PRKG1: variants seen among roughly 807,000 people sequenced by gnomAD.
PRKG1 encodes the protein protein kinase cGMP-dependent 1, also known as cGMP-dependent protein kinase 1.
PRKG1 carries 35 observed loss-of-function variants against 88.1 expected under a neutral mutation model. The observed-to-expected ratio is 0.40, with a 90% CI of 0.30 to 0.53. The LOEUF is 0.53. Among genes scored for constraint, PRKG1 ranks in the 20% least tolerant of loss-of-function variants. The probability of loss-of-function intolerance (pLI) is 0.59; values close to 1 mark genes in which losing one functional copy is unlikely to be tolerated. For synonymous variants in PRKG1, 303 were observed against 292.5 expected, an observed-to-expected ratio of 1.04 and a Z score of -0.37; for missense variants, 540 against 839.8, an observed-to-expected ratio of 0.64 and a Z score of 4.41.
rs567269181 is a variant in PRKG1 at position 51,485,299 on chromosome 10, G to A, written c.592+17463G>A. ...ATTCCTTTGGAGTTCCAATTATTGG[G>A]AAGAAACTACTTGGAATTCTTCACA... On this transcript the variant is annotated intron_variant, in intron 3 of 17. Transcript: ENST00000373980. 1.1e-4 allele frequency among the ~76,000 whole-genome samples: 17 copies of A among 152,230 alleles called. No individual in the cohort carries two copies. The South Asian group carries it at 3.3e-3, about 30-fold the overall frequency.
At chr10:51,882,759 A>G (rs1276825134) in intron 4 of PRKG1, among the ~76,000 whole-genome samples, 2 of 152,184 alleles carry the variant, frequency 1.3e-5, no homozygotes, top group African/African-American at 4.8e-5. Flanking sequence ...TTTCTCTCAG[A>G]AGAGTCATCA....
chr10:51,881,816 G>A (rs566398084), intron 4 of PRKG1, among the ~76,000 whole-genome samples: 1 of 152,126 alleles, frequency 6.6e-6, no homozygotes, highest in East Asian at 1.9e-4. Context: ...CTTATTTATT[G>A]TAGTCTTCAC....
At chr10:51,654,219 G>A (rs1564591777) in intron 3 of PRKG1, among the ~76,000 whole-genome samples, 1 of 152,136 alleles carries the variant, frequency 6.6e-6, no homozygotes. Context: ...TGTAAGACAA[G>A]GATCCAATTT....
intron 1 of PRKG1, among the ~76,000 whole-genome samples, chr10:51,140,392 TG>T (rs776492826): frequency 1.3e-5 from 2 of 152,328 alleles, no homozygotes; most frequent in East Asian, 3.9e-4. Context: ...AAAAAATGCT[TG>T]TTGAATGAAT....
intron 2 of PRKG1, among the ~76,000 whole-genome samples, chr10:51,194,070 T>G (rs1837698638): frequency 6.6e-6 from 1 of 152,276 alleles, no homozygotes; most frequent in South Asian, 2.1e-4. Context: ...TTTCAAATTG[T>G]TTTTCATATC....
chr10:51,646,238 C>T (rs10823327), intron 3 of PRKG1, among the ~76,000 whole-genome samples: 72,736 of 151,944 alleles, frequency 0.48, 18,947 homozygotes, highest in East Asian at 0.72. Context: ...GAGCAAGCTA[C>T]CTAATTATTT....
intron 2 of PRKG1, among the ~76,000 whole-genome samples, chr10:51,346,814 GA>G (rs1842123790): frequency 6.6e-6 from 1 of 152,108 alleles, no homozygotes; most frequent in Non-Finnish European, 1.5e-5. Flanking sequence ...AAGTATTATA[GA>G]ATACTACCTC....
chr10:51,058,320 C>T (rs1356200059), intron 1 of PRKG1, among the ~76,000 whole-genome samples: 2 of 151,932 alleles, frequency 1.3e-5, no homozygotes, highest in Non-Finnish European at 2.9e-5. Flanking sequence ...AGTAATTATG[C>T]CTTTTTTATT....
At chr10:51,654,844 G>T (rs924747906) in intron 3 of PRKG1, among the ~76,000 whole-genome samples, 2 of 151,970 alleles carry the variant, frequency 1.3e-5, no homozygotes, top group Non-Finnish European at 1.5e-5. Context: ...AAATTTCTCT[G>T]CACATTTTAA....
intron 3 of PRKG1, among the ~76,000 whole-genome samples, chr10:51,653,364 A>G (rs1029056502): frequency 1.3e-5 from 2 of 152,142 alleles, no homozygotes; most frequent in African/African-American, 2.4e-5. Flanking sequence ...CACATCCTCA[A>G]CAACACTGAT....
At chr10:51,135,633 G>A (rs1284870888) in intron 1 of PRKG1, among the ~76,000 whole-genome samples, 1 of 152,136 alleles carries the variant, frequency 6.6e-6, no homozygotes, top group Non-Finnish European at 1.5e-5. Context: ...CGGTGCATCA[G>A]CATAGTATGG....
intron 2 of PRKG1, among the ~76,000 whole-genome samples, chr10:51,305,520 A>G (rs531739773): frequency 3.3e-5 from 5 of 152,306 alleles, no homozygotes; most frequent in South Asian, 2.1e-4. Context: ...AACTTTTTCC[A>G]GAAAAATCCT....
chr10:51,181,532 C>T (rs1271493089), intron 2 of PRKG1, among the ~76,000 whole-genome samples: 1 of 152,074 alleles, frequency 6.6e-6, no homozygotes, highest in Admixed American at 6.5e-5. Context: ...TGAGCCACCG[C>T]GCCCGGCCTA....
intron 5 of PRKG1, among the ~76,000 whole-genome samples, chr10:51,970,159 G>A (rs898406880): frequency 6.6e-6 from 1 of 151,854 alleles, no homozygotes; most frequent in South Asian, 2.1e-4. Flanking sequence ...AAGTAAGACT[G>A]TTTTCTTACA....
intron 5 of PRKG1, among the ~76,000 whole-genome samples, chr10:52,041,087 C>T (rs1037680077): frequency 8.6e-5 from 13 of 151,998 alleles, no homozygotes; most frequent in African/African-American, 3.1e-4. Context: ...CATCTGCCCA[C>T]CTCGGCCTCC....
intron 2 of PRKG1, among the ~76,000 whole-genome samples, chr10:51,212,149 A>G (rs1838239158): frequency 6.6e-6 from 1 of 152,134 alleles, no homozygotes; most frequent in South Asian, 2.1e-4. Flanking sequence ...CAGAGCCCTC[A>G]GAAATAATGC....
intron 5 of PRKG1, among the ~76,000 whole-genome samples, chr10:51,991,923 G>A (rs1187552780): frequency 2.6e-5 from 4 of 152,144 alleles, no homozygotes; most frequent in Admixed American, 2.6e-4. Flanking sequence ...CTATTACACT[G>A]AAGAAACTGT....
intron 3 of PRKG1, among the ~76,000 whole-genome samples, chr10:51,494,376 A>G (rs1840794383): frequency 6.6e-6 from 1 of 152,268 alleles, no homozygotes; most frequent in Non-Finnish European, 1.5e-5. Flanking sequence ...CTCATTTTAA[A>G]AAATGGGTAA....
At chr10:51,610,268 C>T (rs1838872966) in intron 3 of PRKG1, among the ~76,000 whole-genome samples, 1 of 152,040 alleles carries the variant, frequency 6.6e-6, no homozygotes, top group Admixed American at 6.6e-5. Context: ...ATTAACTAAC[C>T]TCTCTTCATC....
Sources: allele counts gnomAD v4.1 joint callset (sites outside exome capture counted in the v4.1 genomes callset), GRCh38; gene constraint gnomAD v4.1.1; transcripts MANE v1.5; gene names NCBI Gene and HGNC (gene_info 2026-07-23, HGNC 2026-07-21).